MACROD2: variants seen among roughly 807,000 people sequenced by gnomAD.
MACROD2 encodes mono-ADP ribosylhydrolase 2, also known as ADP-ribose glycohydrolase MACROD2.
Under a neutral mutation model 70.4 loss-of-function variants are expected in MACROD2, and 36 were observed. That is an observed-to-expected ratio of 0.51 (90% CI 0.39 to 0.68). MACROD2 has a LOEUF of 0.68. MACROD2 is among the 30% of genes least tolerant of loss of function. The pLI, the probability that MACROD2 is intolerant of heterozygous loss-of-function variation, is 0.00. For synonymous variants in MACROD2, 172 were observed against 178.8 expected, an observed-to-expected ratio of 0.96 and a Z score of 0.30; for missense variants, 496 against 538.4, an observed-to-expected ratio of 0.92 and a Z score of 0.78.
chr20:15,327,683 T>G (rs1279266555), intron 6 of MACROD2, among the ~76,000 whole-genome samples: 1 of 152,012 alleles, frequency 6.6e-6, no homozygotes, highest in African/African-American at 2.4e-5. Flanking sequence ...AAGATGAAAT[T>G]TGGGTGGGGA....
At chr20:14,487,384 T>G (rs1008261368) in intron 3 of MACROD2, among the ~76,000 whole-genome samples, 2 of 152,188 alleles carry the variant, frequency 1.3e-5, no homozygotes, top group Non-Finnish European at 2.9e-5. Context: ...TGATTACTCT[T>G]TAAGAAACAG....
chr20:14,345,313 T>C (rs750202954), intron 3 of MACROD2, among the ~76,000 whole-genome samples: 13 of 152,194 alleles, frequency 8.5e-5, no homozygotes, highest in African/African-American at 2.4e-4. Flanking sequence ...TTCTAGCTTA[T>C]ATCTGAGAGA....
At position 15,206,721 on chromosome 20, in the gene MACROD2, G is replaced by GTTTT. The variant is rs56752104; in HGVS notation, c.419-23196_419-23193dup. On this transcript the variant is annotated intron_variant, in intron 5 of 17. Transcript: ENST00000684519. ...GCATGAAGTCTTTCATATTATCTAT[G>GTTTT]TTTTTTTTTTTTTTTTTTTTTTTTT... Among the ~76,000 whole-genome samples the GTTTT allele has an allele frequency of 1.4e-3, 47 of 32,998 alleles. 17 individuals are homozygous for GTTTT. Among genetic ancestry groups the GTTTT allele is most frequent in the African/African-American group, 2.9e-3 (19 of 6,544 alleles). 21.6% of individuals were successfully genotyped at this position (32,998 alleles called of 152,430 possible). A position where few individuals can be genotyped will look rare whatever the true frequency, so the allele number is the denominator to read the frequency against.
chr20:14,732,034 A>G (rs897443558), intron 5 of MACROD2, among the ~76,000 whole-genome samples: 3 of 152,206 alleles, frequency 2.0e-5, no homozygotes, highest in African/African-American at 7.2e-5. Flanking sequence ...ATCTATAGAT[A>G]TAACACATAG....
chr20:15,679,826 A>G (rs1382847623), intron 8 of MACROD2, among the ~76,000 whole-genome samples: 4 of 152,196 alleles, frequency 2.6e-5, no homozygotes, highest in African/African-American at 9.6e-5. Context: ...CAAAGAGCCC[A>G]CCTTGAGGAT....
At chr20:15,657,278 G>A (rs1051028450) in intron 8 of MACROD2, among the ~76,000 whole-genome samples, 3 of 152,158 alleles carry the variant, frequency 2.0e-5, no homozygotes, top group African/African-American at 7.2e-5. Flanking sequence ...AGCAATATTT[G>A]TTATTTCTTC....
chr20:15,234,012 C>CTTTTTTTTTTTTTTTTTTTTTTTTTTT (rs1177498607), intron 6 of MACROD2, among the ~76,000 whole-genome samples: 2 of 29,184 alleles, frequency 6.9e-5, no homozygotes, highest in Non-Finnish European at 5.8e-5. Flanking sequence ...TATATATATT[C>CTTTTTTTTTTTTTTTTTTTTTTTTTTT]TTTTTTTTTT....
chr20:14,551,357 G>C (rs1978640055), intron 4 of MACROD2, among the ~76,000 whole-genome samples: 1 of 151,982 alleles, frequency 6.6e-6, no homozygotes. Context: ...GTGTATAGTT[G>C]AAAAGATGGC....
At chr20:15,686,829 C>T (rs1019112612) in intron 8 of MACROD2, among the ~76,000 whole-genome samples, 4 of 146,132 alleles carry the variant, frequency 2.7e-5, no homozygotes, top group East Asian at 2.0e-4. Context: ...GCCAAGATCA[C>T]GCCACTGCGC....
intron 5 of MACROD2, among the ~76,000 whole-genome samples, chr20:14,747,965 A>T (rs1170224471): frequency 1.3e-5 from 2 of 152,096 alleles, no homozygotes; most frequent in Non-Finnish European, 1.5e-5. Flanking sequence ...GAATTGTCTC[A>T]GGAGGAAAGG....
At chr20:15,623,714 A>ATCTATCTG (rs1424189321) in intron 8 of MACROD2, among the ~76,000 whole-genome samples, 11 of 151,798 alleles carry the variant, frequency 7.2e-5, no homozygotes, top group Admixed American at 2.0e-4. Flanking sequence ...CTATCTATCT[A>ATCTATCTG]TCTATCGATG....
intron 8 of MACROD2, among the ~76,000 whole-genome samples, chr20:15,601,792 G>T (rs1331471706): frequency 1.3e-5 from 2 of 152,192 alleles, no homozygotes; most frequent in Admixed American, 6.5e-5. Flanking sequence ...ACTTTGGGAG[G>T]CCGAGGCGGG....
At chr20:14,795,159 C>T (rs1371355867) in intron 5 of MACROD2, among the ~76,000 whole-genome samples, 2 of 151,984 alleles carry the variant, frequency 1.3e-5, no homozygotes, top group Admixed American at 6.6e-5. Flanking sequence ...CCTTGTAGGG[C>T]CCAGTAAACA....
chr20:15,364,422 C>T (rs1417504762), intron 6 of MACROD2, among the ~76,000 whole-genome samples: 5 of 152,156 alleles, frequency 3.3e-5, no homozygotes, highest in Admixed American at 3.3e-4. Flanking sequence ...TTTGTATAGA[C>T]CCAGGTATGC....
chr20:14,523,200 C>T (rs1052648200), intron 4 of MACROD2, among the ~76,000 whole-genome samples: 2 of 152,118 alleles, frequency 1.3e-5, no homozygotes, highest in African/African-American at 4.8e-5. Flanking sequence ...CTCTTCTCCC[C>T]CAGAAAAACC....
intron 6 of MACROD2, among the ~76,000 whole-genome samples, chr20:15,410,756 G>A (rs904688489): frequency 2.0e-5 from 3 of 151,956 alleles, no homozygotes; most frequent in Admixed American, 6.6e-5. Context: ...CTGCAAGCAC[G>A]CTTGCAGGAA....
rs79724769 is a variant in MACROD2, at chr20:15,008,400, T to A, written c.419-221540T>A. Among the ~76,000 whole-genome samples the A allele has an allele frequency of 1.4e-3, 219 of 152,292 alleles. 4 individuals carry two copies. The East Asian group carries it at 0.04, about 28-fold the overall frequency. On this transcript the variant is annotated intron_variant, in intron 5 of 17. Transcript: ENST00000684519. ...ACCTTGTATTTATTTTTATTATTAT[T>A]TTTGTAACATAGAGTGTTGCAGATA...
At chr20:15,932,041 T>G (rs1166772047) in intron 10 of MACROD2, among the ~76,000 whole-genome samples, 2 of 152,082 alleles carry the variant, frequency 1.3e-5, no homozygotes, top group African/African-American at 4.8e-5. Flanking sequence ...CAGTCCTGCT[T>G]GTGGGTCAGG....
chr20:15,074,626 C>T (rs2075644258), intron 5 of MACROD2, among the ~76,000 whole-genome samples: 1 of 152,136 alleles, frequency 6.6e-6, no homozygotes, highest in East Asian at 1.9e-4. Context: ...TGGTATCTGG[C>T]ACTATCTCCA....
Sources: gnomAD v4.1 joint callset for allele counts (sites outside exome capture counted in the v4.1 genomes callset) on GRCh38, gnomAD v4.1.1 for gene constraint, MANE v1.5 for transcripts, NCBI Gene and HGNC (gene_info 2026-07-23, HGNC 2026-07-21) for gene names.